ASPRV1: variants seen among roughly 807,000 people sequenced by gnomAD.
ASPRV1 encodes the protein aspartic peptidase retroviral like 1.
Under a neutral mutation model 11.0 loss-of-function variants are expected in ASPRV1, and 7 were observed. The ratio of observed to expected loss-of-function variants is 0.64; its 90% CI spans 0.36 to 1.20. ASPRV1 has a LOEUF of 1.20. Ranked by LOEUF, ASPRV1 falls within the 50% of genes most tolerant of loss-of-function variation. The pLI is 0.02. For missense variants in ASPRV1, 299 were observed against 320.0 expected (o/e 0.93, Z 0.50); for synonymous variants, 136 against 138.4 (o/e 0.98, Z 0.12).
the ASPRV1 span, chr2:70,083,653 G>A: frequency 6.6e-6 from 1 of 152,234 alleles, no homozygotes; most frequent in East Asian, 1.9e-4. Flanking sequence ...TGGGTGGTGT[G>A]GAATTCACTC....
chr2:70,082,263 G>GT, the ASPRV1 span, among the ~76,000 whole-genome samples: 1 of 151,992 alleles, frequency 6.6e-6, no homozygotes, highest in African/African-American at 2.4e-5. Context: ...TACTTGGCCA[G>GT]TACGGCAACT....
At chr2:70,003,571 G>A in the ASPRV1 span, among the ~76,000 whole-genome samples, 5 of 152,236 alleles carry the variant, frequency 3.3e-5, no homozygotes, top group African/African-American at 1.2e-4. Context: ...AGCCAAAGAA[G>A]TGGCTGTAGC....
chr2:69,959,309 CCT>C (rs1678007411), downstream of ASPRV1, among the ~76,000 whole-genome samples: 1 of 152,114 alleles, frequency 6.6e-6, no homozygotes, highest in Non-Finnish European at 1.5e-5. Flanking sequence ...GCCACCCTCC[CCT>C]GAGAACAGGC....
At chr2:70,085,302 C>A in the ASPRV1 span, among the ~76,000 whole-genome samples, 3 of 152,150 alleles carry the variant, frequency 2.0e-5, no homozygotes, top group African/African-American at 4.8e-5. Flanking sequence ...TCTGGGCAGG[C>A]TGAATCACTT....
At chr2:69,935,287 C>T in the ASPRV1 span, 2 of 1,173,168 alleles carry the variant, frequency 1.7e-6, no homozygotes, top group African/African-American at 1.5e-5. Context: ...AGAACTCATT[C>T]TGCCTGGGGT....
At chr2:70,009,577 G>A in the ASPRV1 span, among the ~76,000 whole-genome samples, 19 of 152,214 alleles carry the variant, frequency 1.2e-4, no homozygotes, top group East Asian at 1.5e-3. Flanking sequence ...TGATCCACCC[G>A]CCTCGGCCTC....
upstream of ASPRV1, chr2:69,961,844 A>T (rs1254984843): frequency 1.3e-6 from 1 of 745,020 alleles, no homozygotes; most frequent in Non-Finnish European, 2.2e-6. Context: ...TTGAAGGGGG[A>T]CTACCCTGTA....
At chr2:70,022,689 A>T in the ASPRV1 span, among the ~76,000 whole-genome samples, 3 of 149,584 alleles carry the variant, frequency 2.0e-5, no homozygotes, top group East Asian at 3.9e-4. Flanking sequence ...GACCCTGTTT[A>T]AAAAAAAAAT....
chr2:70,072,103 C>T, the ASPRV1 span, among the ~76,000 whole-genome samples: 120 of 152,150 alleles, frequency 7.9e-4, no homozygotes, highest in African/African-American at 2.5e-3. Context: ...AGATGTGAAC[C>T]ACCATGCCCA....
At chr2:70,023,019 C>T in the ASPRV1 span, among the ~76,000 whole-genome samples, 1 of 152,110 alleles carries the variant, frequency 6.6e-6, no homozygotes, top group African/African-American at 2.4e-5. Context: ...ATCATAAAAT[C>T]CTAAAAACAA....
the ASPRV1 span, among the ~76,000 whole-genome samples, chr2:69,969,178 T>C: frequency 6.6e-6 from 1 of 152,134 alleles, no homozygotes; most frequent in Non-Finnish European, 1.5e-5. Context: ...GCACTCCTCT[T>C]GCCAAGCCTA....
At chr2:69,956,807 C>A (rs1480201443), downstream of ASPRV1, among the ~76,000 whole-genome samples, 1 of 152,180 alleles carries the variant, frequency 6.6e-6, no homozygotes, top group Non-Finnish European at 1.5e-5. Context: ...CCTCCTGATA[C>A]GATGTACTGA....
At chr2:70,056,160 G>A in the ASPRV1 span, 1 of 152,130 alleles carries the variant, frequency 6.6e-6, no homozygotes, top group Non-Finnish European at 1.5e-5. Flanking sequence ...GAAACAGAAA[G>A]TAGAATGGTG....
the ASPRV1 span, among the ~76,000 whole-genome samples, chr2:70,057,265 AAG>A: frequency 6.6e-6 from 1 of 152,000 alleles, no homozygotes; most frequent in African/African-American, 2.4e-5. Context: ...AAGAAAGAAA[AAG>A]AAAATTTTCA....
the ASPRV1 span, among the ~76,000 whole-genome samples, chr2:69,979,528 G>C: frequency 6.6e-6 from 1 of 152,188 alleles, no homozygotes; most frequent in South Asian, 2.1e-4. Context: ...GGAGGGGCAG[G>C]ACACAGAGGT....
chr2:69,941,070 A>G, the ASPRV1 span: 5 of 152,252 alleles, frequency 3.3e-5, no homozygotes, highest in African/African-American at 1.2e-4. Context: ...AGCCTTTAAG[A>G]CTTTGACAAT....
At chr2:70,084,954 G>A in the ASPRV1 span, among the ~76,000 whole-genome samples, 7 of 152,252 alleles carry the variant, frequency 4.6e-5, no homozygotes, top group African/African-American at 1.4e-4. Context: ...AAGGCAAAAA[G>A]CCCTTCTCTT....
At chr2:70,063,692 T>C in the ASPRV1 span, among the ~76,000 whole-genome samples, 2 of 152,148 alleles carry the variant, frequency 1.3e-5, no homozygotes, top group Non-Finnish European at 2.9e-5. Flanking sequence ...GGGATTTCAT[T>C]TTAAAGTAAA....
chr2:70,074,566 G>A, the ASPRV1 span, among the ~76,000 whole-genome samples: 389 of 151,292 alleles, frequency 2.6e-3, 2 homozygotes, highest in African/African-American at 9.0e-3. Flanking sequence ...ATGAGCCACC[G>A]CGCCTGGCCC....
Sources: gnomAD v4.1 joint callset for allele counts (sites outside exome capture counted in the v4.1 genomes callset) on GRCh38, gnomAD v4.1.1 for gene constraint, MANE v1.5 for transcripts, NCBI Gene and HGNC (gene_info 2026-07-23, HGNC 2026-07-21) for gene names.